The following TNFRSF19 variants were observed in gnomAD, a reference collection of about 807,000 sequenced individuals.
The protein encoded by TNFRSF19 is TNF receptor superfamily member 19.
Under a neutral mutation model 46.4 loss-of-function variants are expected in TNFRSF19, and 27 were observed. The ratio of observed to expected loss-of-function variants is 0.58; its 90% CI spans 0.43 to 0.80. The LOEUF is 0.80. Ranked by LOEUF, TNFRSF19 falls within the 30% of genes least tolerant of loss-of-function variation. The pLI is 0.00. For synonymous variants in TNFRSF19, 204 were observed against 205.0 expected, an observed-to-expected ratio of 1.00 and a Z score of 0.04; for missense variants, 511 against 530.8, an observed-to-expected ratio of 0.96 and a Z score of 0.37.
At chr13:23,575,621 T>C (rs2138132397) in intron 1 of TNFRSF19, among the ~76,000 whole-genome samples, 1 of 152,358 alleles carries the variant, frequency 6.6e-6, no homozygotes, top group Middle Eastern at 3.4e-3. Flanking sequence ...TATTACTCTT[T>C]GAGATTCTCA....
intron 5 of TNFRSF19, among the ~76,000 whole-genome samples, chr13:23,656,943 T>C: frequency 6.6e-6 from 1 of 152,222 alleles, no homozygotes. Context: ...TCAGATTAGA[T>C]TTAATCTCTA....
intron 5 of TNFRSF19, among the ~76,000 whole-genome samples, chr13:23,630,953 T>C (rs1466755946): frequency 1.3e-5 from 2 of 152,100 alleles, no homozygotes; most frequent in African/African-American, 2.4e-5. Context: ...TCTGGAGAGA[T>C]AAGGGATCAG....
chr13:23,625,993 T>G (rs1881976199), intron 4 of TNFRSF19, among the ~76,000 whole-genome samples: 1 of 152,216 alleles, frequency 6.6e-6, no homozygotes, highest in Non-Finnish European at 1.5e-5. Flanking sequence ...ATTCTTCTTT[T>G]GGGAATGAAA....
chr13:23,667,853 A>C, intron 7 of TNFRSF19, 127 bp from the exon 8 acceptor site: 1 of 718,032 alleles, frequency 1.4e-6, no homozygotes, highest in Non-Finnish European at 2.2e-6. Flanking sequence ...AGAACCTTGT[A>C]TTCCTTTTCC....
intron 5 of TNFRSF19, among the ~76,000 whole-genome samples, chr13:23,657,935 T>G (rs1223727082): frequency 6.6e-6 from 1 of 152,166 alleles, no homozygotes; most frequent in Non-Finnish European, 1.5e-5. Flanking sequence ...TGGAGTAATC[T>G]TCAGTCGAGG....
chr13:23,626,313 A>T (rs555911578), intron 4 of TNFRSF19, among the ~76,000 whole-genome samples: 1 of 151,802 alleles, frequency 6.6e-6, no homozygotes, highest in African/African-American at 2.4e-5. Context: ...GTATTTCCCT[A>T]CATTTTTCCG....
rs200993556 is a variant in TNFRSF19 at position 23,593,400 on chromosome 13, G to A, written c.125G>A (p.Arg42Gln). 1.5e-4 allele frequency: 237 copies of A among 1,601,340 alleles called. 2 individuals are homozygous for A. The Middle Eastern group carries it at 0.012, about 82-fold the overall frequency. ...TGTAGACAGCAAGAATTCAGGGATC[G>A]GTCTGGAAACTGTGTTCCCTGCAAC... ...GDCRQQEFRD[R>Q]SGNCVPCNQC... The change falls in exon 3 of 10, where the codon CGG (arginine) becomes CAG (glutamine). Residue 42 changes from arginine to glutamine, a missense_variant. Around this residue, in one of 3 missense-constraint regions of TNFRSF19, gnomAD observed 121 missense variants for 124.1 expected, o/e 0.98. Coordinates refer to ENST00000248484, the MANE Select transcript of TNFRSF19 (RefSeq NM_148957.4).
chr13:23,621,396 T>C (rs948104733), intron 4 of TNFRSF19, among the ~76,000 whole-genome samples: 2 of 152,154 alleles, frequency 1.3e-5, no homozygotes, highest in Non-Finnish European at 2.9e-5. Flanking sequence ...ACCACCAAGG[T>C]GCTAGCAAGA....
chr13:23,617,788 C>A (rs1160482831), intron 4 of TNFRSF19, among the ~76,000 whole-genome samples: 2 of 152,160 alleles, frequency 1.3e-5, no homozygotes, highest in Admixed American at 1.3e-4. Flanking sequence ...GAAACTGAGA[C>A]TTATTAAGGA....
intron 1 of TNFRSF19, among the ~76,000 whole-genome samples, chr13:23,582,297 A>G (rs1482338510): frequency 1.3e-5 from 2 of 150,204 alleles, no homozygotes; most frequent in African/African-American, 4.9e-5. Context: ...GCTACTCGGG[A>G]GGCTGAGGCA....
intron 4 of TNFRSF19, among the ~76,000 whole-genome samples, chr13:23,625,044 G>T (rs1165325008): frequency 1.3e-5 from 2 of 152,064 alleles, no homozygotes; most frequent in Admixed American, 6.6e-5. Flanking sequence ...GAGTCACTGC[G>T]CCTGGCCACA....
At chr13:23,636,700 G>A (rs1286991261) in intron 5 of TNFRSF19, among the ~76,000 whole-genome samples, 1 of 152,186 alleles carries the variant, frequency 6.6e-6, no homozygotes, top group East Asian at 1.9e-4. Flanking sequence ...GGCCACAGCT[G>A]GTGACTGAGT....
At chr13:23,633,798 G>A (rs866356472) in intron 5 of TNFRSF19, among the ~76,000 whole-genome samples, 3 of 152,186 alleles carry the variant, frequency 2.0e-5, no homozygotes, top group South Asian at 2.1e-4. Context: ...GCAGTGAGCC[G>A]AGATCGTACC....
intron 5 of TNFRSF19, among the ~76,000 whole-genome samples, chr13:23,657,680 TTTC>T (rs145215064): frequency 2.4e-4 from 33 of 139,650 alleles, no homozygotes; most frequent in East Asian, 7.7e-4. Flanking sequence ...ATTTTACCTG[TTTC>T]TTCTTCTTCT....
At chr13:23,660,046 G>GCAGT (rs1884256556) in intron 6 of TNFRSF19, among the ~76,000 whole-genome samples, 1 of 152,020 alleles carries the variant, frequency 6.6e-6, no homozygotes, top group African/African-American at 2.4e-5. Context: ...AGTGACCTGC[G>GCAGT]CAGTTCAAAC....
intron 1 of TNFRSF19, chr13:23,585,574 A>G (rs1878765275): frequency 6.6e-6 from 1 of 152,230 alleles, no homozygotes. Context: ...TTTCACATAT[A>G]CTATTTTATC....
chr13:23,581,995 A>G (rs768933684), intron 1 of TNFRSF19, among the ~76,000 whole-genome samples: 3 of 152,216 alleles, frequency 2.0e-5, no homozygotes, highest in Non-Finnish European at 4.4e-5. Context: ...CACACTCCCA[A>G]TAAATACATT....
At chr13:23,643,917 G>A (rs1242607320) in intron 5 of TNFRSF19, among the ~76,000 whole-genome samples, 1 of 152,070 alleles carries the variant, frequency 6.6e-6, no homozygotes, top group Non-Finnish European at 1.5e-5. Context: ...TTAGACACAA[G>A]TTCATACAAC....
chr13:23,636,115 G>A (rs2138321722), intron 5 of TNFRSF19, among the ~76,000 whole-genome samples: 1 of 152,290 alleles, frequency 6.6e-6, no homozygotes, highest in Admixed American at 6.5e-5. Context: ...GTTGTAAAAT[G>A]TGTGCATGTG....
Sources: gnomAD v4.1 joint callset for allele counts (sites outside exome capture counted in the v4.1 genomes callset) on GRCh38, gnomAD v4.1.1 for gene constraint, gnomAD v4.1.1 regional missense constraint, MANE v1.5 for transcripts, NCBI Gene and HGNC (gene_info 2026-07-23, HGNC 2026-07-21) for gene names.